Variants in KCND2 observed in about 807,000 individuals in gnomAD.
KCND2 encodes A-type voltage-gated potassium channel KCND2.
A neutral mutation model predicts 54.4 loss-of-function variants in KCND2; 16 were observed. That is an observed-to-expected ratio of 0.29 (90% CI 0.20 to 0.45). The LOEUF (loss-of-function observed/expected upper bound fraction) is 0.45. Ranked by LOEUF, KCND2 falls within the 20% of genes least tolerant of loss-of-function variation. The pLI is 1.00. For missense variants in KCND2, 486 were observed against 824.2 expected, an observed-to-expected ratio of 0.59 and a Z score of 5.02; for synonymous variants, 317 against 310.7, an observed-to-expected ratio of 1.02 and a Z score of -0.21.
rs766145865 is a variant in KCND2, at chr7:120,724,636, CT to C, written c.1116-8263del. On this transcript the variant is annotated intron_variant, in intron 1 of 5. Coordinates refer to ENST00000331113, the MANE Select transcript of KCND2 (RefSeq NM_012281.3). ...GCAGGTGATGGAGAGACACTGAAGGCTTTTATGCAGGAGAATGACATGACCA... is the reference window on the plus strand; with the variant it reads ...GCAGGTGATGGAGAGACACTGAAGGCTTTATGCAGGAGAATGACATGACCA... Among the ~76,000 whole-genome samples, 22 of 152,178 alleles carry C rather than the reference CT, an allele frequency of 1.4e-4. No homozygotes were observed. In the East Asian group the frequency reaches 4.3e-3, roughly 30 times the overall value.
chr7:120,281,996 C>T (rs1799270927), intron 1 of KCND2, among the ~76,000 whole-genome samples: 1 of 152,132 alleles, frequency 6.6e-6, no homozygotes. Context: ...ACTTTTTCAT[C>T]CATAACTAAC....
chr7:120,592,860 A>G (rs1041996382), intron 1 of KCND2, among the ~76,000 whole-genome samples: 2 of 152,140 alleles, frequency 1.3e-5, no homozygotes, highest in African/African-American at 4.8e-5. Flanking sequence ...AATTTTCACT[A>G]GTCTTCTTTT....
At chr7:120,714,100 A>G (rs1462717326) in intron 1 of KCND2, among the ~76,000 whole-genome samples, 1 of 152,172 alleles carries the variant, frequency 6.6e-6, no homozygotes, top group East Asian at 1.9e-4. Context: ...TAATCGATAT[A>G]CAATTAATAT....
chr7:120,521,617 A>C (rs1308073381), intron 1 of KCND2, among the ~76,000 whole-genome samples: 1 of 152,182 alleles, frequency 6.6e-6, no homozygotes, highest in African/African-American at 2.4e-5. Context: ...ATTGAGCGTA[A>C]TAATATATGT....
intron 1 of KCND2, among the ~76,000 whole-genome samples, chr7:120,457,015 C>T (rs1802209750): frequency 1.3e-5 from 2 of 152,226 alleles, no homozygotes; most frequent in African/African-American, 2.4e-5. Context: ...CATGTGGAAA[C>T]TTCCAAAACT....
intron 1 of KCND2, among the ~76,000 whole-genome samples, chr7:120,647,888 A>G (rs1209635038): frequency 6.6e-6 from 1 of 152,234 alleles, no homozygotes; most frequent in Non-Finnish European, 1.5e-5. Context: ...TATACGGTAT[A>G]TGCATAGAAG....
chr7:120,313,344 AATGTATGC>A (rs1463234280), intron 1 of KCND2, among the ~76,000 whole-genome samples: 2 of 152,196 alleles, frequency 1.3e-5, no homozygotes, highest in Non-Finnish European at 2.9e-5. Flanking sequence ...TATGTATATA[AATGTATGC>A]ATGACAATTA....
At chr7:120,523,650 C>G (rs1481260693) in intron 1 of KCND2, among the ~76,000 whole-genome samples, 1 of 146,734 alleles carries the variant, frequency 6.8e-6, no homozygotes, top group African/African-American at 2.5e-5. Context: ...ACAATACATA[C>G]ATATTATATA....
chr7:120,688,199 TATACTC>T (rs1792227748), intron 1 of KCND2, among the ~76,000 whole-genome samples: 1 of 152,154 alleles, frequency 6.6e-6, no homozygotes, highest in African/African-American at 2.4e-5. Context: ...TTATGTAAAT[TATACTC>T]TATACTAAGG....
intron 1 of KCND2, among the ~76,000 whole-genome samples, chr7:120,488,858 A>G (rs1449693837): frequency 6.6e-6 from 1 of 152,110 alleles, no homozygotes; most frequent in Non-Finnish European, 1.5e-5. Context: ...CTTCTAGCCT[A>G]CTAGTTAAAC....
In KCND2 at chr7:120,748,223, G is replaced by A. The variant is rs2116197124; in HGVS notation, c.*365G>A. 1 of 166,512 alleles carries A rather than the reference G, an allele frequency of 6.0e-6. No homozygotes were observed. The highest frequency in any genetic ancestry group is 1.3e-5 in the Non-Finnish European group (1 of 76,626). 10.3% of individuals were successfully genotyped at this position (166,512 alleles called of 1,614,324 possible). On this transcript the variant is annotated 3_prime_UTR_variant, in exon 6 of 6. Coordinates refer to ENST00000331113, the MANE Select transcript of KCND2 (RefSeq NM_012281.3). ...ACAAAAAAAATATGGAAAACATTTT[G>A]ATAAAATTTTTTCCTGTTAAAACCA...
At chr7:120,375,341 C>A (rs1186690062) in intron 1 of KCND2, among the ~76,000 whole-genome samples, 1 of 151,864 alleles carries the variant, frequency 6.6e-6, no homozygotes, top group Non-Finnish European at 1.5e-5. Flanking sequence ...ATCCATGCCA[C>A]TTCTAATCAA....
At chr7:120,476,045 T>C (rs984152390) in intron 1 of KCND2, among the ~76,000 whole-genome samples, 1 of 152,226 alleles carries the variant, frequency 6.6e-6, no homozygotes, top group Non-Finnish European at 1.5e-5. Context: ...GGTTTTAACA[T>C]GTAGTTACTT....
At chr7:120,342,522 A>G (rs1196985474) in intron 1 of KCND2, among the ~76,000 whole-genome samples, 1 of 152,032 alleles carries the variant, frequency 6.6e-6, no homozygotes, top group East Asian at 1.9e-4. Context: ...GTGTTTTTGG[A>G]CTCTCAAAGA....
At chr7:120,320,249 C>T (rs944059348) in intron 1 of KCND2, among the ~76,000 whole-genome samples, 2 of 152,046 alleles carry the variant, frequency 1.3e-5, no homozygotes, top group South Asian at 2.1e-4. Flanking sequence ...AGGGGTGTTA[C>T]AAAGCAAATT....
chr7:120,507,421 G>A (rs935317534), intron 1 of KCND2, among the ~76,000 whole-genome samples: 1 of 151,860 alleles, frequency 6.6e-6, no homozygotes, highest in Non-Finnish European at 1.5e-5. Flanking sequence ...GGCTACATGG[G>A]TAAAGACTAC....
At chr7:120,638,969 T>G (rs1793339310) in intron 1 of KCND2, among the ~76,000 whole-genome samples, 1 of 152,180 alleles carries the variant, frequency 6.6e-6, no homozygotes, top group Admixed American at 6.5e-5. Flanking sequence ...GTTATCACTT[T>G]ACCAAATTCC....
At chr7:120,478,151 T>C (rs896839838) in intron 1 of KCND2, among the ~76,000 whole-genome samples, 15 of 152,168 alleles carry the variant, frequency 9.9e-5, no homozygotes, top group Admixed American at 6.6e-5. Context: ...CTTTATAAAG[T>C]CTATTTGATT....
intron 1 of KCND2, among the ~76,000 whole-genome samples, chr7:120,692,132 G>A (rs551770390): frequency 6.6e-6 from 1 of 152,306 alleles, no homozygotes; most frequent in East Asian, 1.9e-4. Flanking sequence ...GGAATGTGCT[G>A]TAAAGGGAGG....
Sources: gnomAD v4.1 joint callset for allele counts (sites outside exome capture counted in the v4.1 genomes callset) on GRCh38, gnomAD v4.1.1 for gene constraint, MANE v1.5 for transcripts, NCBI Gene and HGNC (gene_info 2026-07-23, HGNC 2026-07-21) for gene names.